Variants in CADPS2 observed in about 807,000 individuals in gnomAD.
CADPS2 encodes calcium dependent secretion activator 2.
CADPS2 carries 93 observed loss-of-function variants against 172.5 expected under a neutral mutation model. That is an observed-to-expected ratio of 0.54 (90% CI 0.46 to 0.64). CADPS2 has a LOEUF of 0.64. Ranked by LOEUF, CADPS2 falls within the 30% of genes least tolerant of loss-of-function variation. The pLI is 0.00. For synonymous variants in CADPS2, 546 were observed against 555.2 expected, an observed-to-expected ratio of 0.98 and a Z score of 0.23; for missense variants, 1,420 against 1,565.9, an observed-to-expected ratio of 0.91 and a Z score of 1.57.
chr7:122,463,652 T>G (rs2054755207), intron 14 of CADPS2, among the ~76,000 whole-genome samples: 1 of 152,088 alleles, frequency 6.6e-6, no homozygotes, highest in Non-Finnish European at 1.5e-5. Context: ...CATAAGAAGT[T>G]AGGAAAGATG....
At chr7:122,374,934 A>G (rs2042177800) in intron 25 of CADPS2, among the ~76,000 whole-genome samples, 1 of 152,230 alleles carries the variant, frequency 6.6e-6, no homozygotes, top group Non-Finnish European at 1.5e-5. Flanking sequence ...AAGTTCAGAA[A>G]ACAATCTCAT....
intron 3 of CADPS2, among the ~76,000 whole-genome samples, chr7:122,645,146 G>A (rs577765618): frequency 1.3e-5 from 2 of 150,010 alleles, no homozygotes; most frequent in Admixed American, 1.3e-4. Flanking sequence ...AAAACCGTGG[G>A]ACTTCTATAA....
intron 18 of CADPS2, among the ~76,000 whole-genome samples, chr7:122,414,569 ATTCAT>A (rs1279886964): frequency 1.3e-5 from 2 of 152,156 alleles, no homozygotes; most frequent in Admixed American, 6.5e-5. Context: ...CCTCCTGGGA[ATTCAT>A]TTCAAATTAT....
intron 1 of CADPS2, among the ~76,000 whole-genome samples, chr7:122,778,354 G>A (rs557765905): frequency 6.6e-6 from 1 of 152,286 alleles, no homozygotes; most frequent in East Asian, 1.9e-4. Context: ...TGGAAAACTA[G>A]CTGCCTGATG....
chr7:122,799,987 A>G (rs1315437075), intron 1 of CADPS2, among the ~76,000 whole-genome samples: 3 of 152,178 alleles, frequency 2.0e-5, no homozygotes, highest in African/African-American at 7.2e-5. Flanking sequence ...AGAAAAAAAG[A>G]TATGTAACCT....
chr7:122,694,832 A>T (rs548703168), intron 2 of CADPS2, among the ~76,000 whole-genome samples: 10 of 152,358 alleles, frequency 6.6e-5, no homozygotes, highest in African/African-American at 2.4e-4. Flanking sequence ...TTCATGGTAA[A>T]TGATGGAATG....
chr7:122,395,799 G>T (rs1187398319), intron 20 of CADPS2, among the ~76,000 whole-genome samples: 1 of 151,386 alleles, frequency 6.6e-6, no homozygotes, highest in Non-Finnish European at 1.5e-5. Flanking sequence ...CTACGAGGGA[G>T]GATTTTTTTT....
intron 17 of CADPS2, among the ~76,000 whole-genome samples, chr7:122,432,651 A>T (rs1366662940): frequency 2.0e-5 from 3 of 151,164 alleles, no homozygotes; most frequent in South Asian, 2.1e-4. Context: ...AATAAAAAAA[A>T]AAAAAAAAAA....
chr7:122,646,655 T>C (rs529656704), intron 3 of CADPS2, among the ~76,000 whole-genome samples: 111 of 152,228 alleles, frequency 7.3e-4, no homozygotes, highest in South Asian at 1.9e-3. Context: ...GAAGGAACAG[T>C]TGAAATGCAG....
intron 17 of CADPS2, among the ~76,000 whole-genome samples, chr7:122,431,897 G>C (rs1196717720): frequency 7.2e-6 from 1 of 138,180 alleles, no homozygotes; most frequent in Non-Finnish European, 1.6e-5. Flanking sequence ...CACCAGCCTG[G>C]GTGACGAAGC....
chr7:122,373,446 A>T (rs750895979), intron 25 of CADPS2, among the ~76,000 whole-genome samples: 1 of 152,132 alleles, frequency 6.6e-6, no homozygotes, highest in Non-Finnish European at 1.5e-5. Context: ...GCCTTACAAG[A>T]TGTTTTAGTT....
At chr7:122,726,369 T>C (rs1439962356) in intron 2 of CADPS2, among the ~76,000 whole-genome samples, 1 of 151,940 alleles carries the variant, frequency 6.6e-6, no homozygotes, top group Non-Finnish European at 1.5e-5. Flanking sequence ...CTTGCGTACG[T>C]TACTTGTTTA....
intron 2 of CADPS2, among the ~76,000 whole-genome samples, chr7:122,713,053 G>T (rs2089012118): frequency 2.0e-5 from 3 of 152,094 alleles, no homozygotes; most frequent in Admixed American, 6.6e-5. Flanking sequence ...TCATTATATA[G>T]TTCTGATATC....
intron 7 of CADPS2, among the ~76,000 whole-genome samples, chr7:122,572,388 G>A (rs1366602021): frequency 6.6e-6 from 1 of 152,126 alleles, no homozygotes; most frequent in Non-Finnish European, 1.5e-5. Context: ...CCCCATGGAA[G>A]CAGAGGACTC....
chr7:122,554,719 C>A (rs368513084), intron 7 of CADPS2, 30 bp from the exon 8 acceptor site: 26 of 1,559,292 alleles, frequency 1.7e-5, no homozygotes, highest in Non-Finnish European at 2.3e-5. Flanking sequence ...CACATTTAAA[C>A]GCATGATACG....
At chr7:122,448,631 T>C (rs780104016) in intron 15 of CADPS2, among the ~76,000 whole-genome samples, 8 of 152,168 alleles carry the variant, frequency 5.3e-5, no homozygotes, top group African/African-American at 1.2e-4. Flanking sequence ...GTGTGGGGAA[T>C]TGAAGTCCCT....
At chr7:122,443,003 C>T (rs2051576629) in intron 15 of CADPS2, among the ~76,000 whole-genome samples, 1 of 152,118 alleles carries the variant, frequency 6.6e-6, no homozygotes, top group Admixed American at 6.6e-5. Context: ...AACCTTAATC[C>T]ACGTTTAAAT....
At chr7:122,853,734 C>A (rs1814362400) in intron 1 of CADPS2, among the ~76,000 whole-genome samples, 1 of 152,116 alleles carries the variant, frequency 6.6e-6, no homozygotes, top group African/African-American at 2.4e-5. Context: ...CCATAATATT[C>A]ATATCAAATC....
At position 122,451,471 on chromosome 7, in the gene CADPS2, C is replaced by T. The variant is rs1301256760; in HGVS notation, c.2191G>A (p.Asp731Asn). 2 of 1,551,982 alleles carry T rather than the reference C, an allele frequency of 1.3e-6. No homozygotes were observed. Among genetic ancestry groups the T allele is most frequent in the Non-Finnish European group, 8.7e-7 (1 of 1,146,694 alleles). The change falls in exon 15 of 30, where the codon GAT becomes AAT. Residue 731 changes from aspartate to asparagine, a missense_variant. Physicochemically the swap from Asp to Asn is conservative, Grantham distance 23. Transcript: ENST00000449022. ...CASHVHGNRP[D>N]GIGTVSVEEK... ...TCCACTGAAACAGTCCCAATTCCAT[C>T]AGGCCTGAAAAAAAAATCAGAATCA... is the stretch of plus-strand genomic sequence containing the variant.
Sources: allele counts gnomAD v4.1 joint callset (sites outside exome capture counted in the v4.1 genomes callset), GRCh38; gene constraint gnomAD v4.1.1; transcripts MANE v1.5; gene names NCBI Gene and HGNC (gene_info 2026-07-23, HGNC 2026-07-21).